GALNT10: variants seen among roughly 807,000 people sequenced by gnomAD.
GALNT10 encodes GalNAc transferase 10.
A neutral mutation model predicts 75.0 loss-of-function variants in GALNT10; 41 were observed. That is an observed-to-expected ratio of 0.55 (90% CI 0.43 to 0.71). GALNT10 has a LOEUF of 0.71. GALNT10 is among the 30% of genes least tolerant of loss of function. GALNT10 has a pLI of 0.00. For missense variants in GALNT10, 727 were observed against 818.5 expected (o/e 0.89, Z 1.36); for synonymous variants, 302 against 313.0 (o/e 0.96, Z 0.37).
chr5:154,196,415 G>A (rs966668886), intron 1 of GALNT10, among the ~76,000 whole-genome samples: 5 of 152,256 alleles, frequency 3.3e-5, no homozygotes, highest in South Asian at 4.2e-4. Flanking sequence ...TGAGCCATGT[G>A]GGCTGAAATG....
At chr5:154,241,854 C>T (rs1232872144) in intron 1 of GALNT10, among the ~76,000 whole-genome samples, 1 of 152,184 alleles carries the variant, frequency 6.6e-6, no homozygotes, top group Non-Finnish European at 1.5e-5. Flanking sequence ...CAGTAAAAAT[C>T]CTGAGAATTG....
At chr5:154,294,469 A>C (rs1754244898) in intron 1 of GALNT10, among the ~76,000 whole-genome samples, 1 of 152,254 alleles carries the variant, frequency 6.6e-6, no homozygotes, top group South Asian at 2.1e-4. Context: ...AAATGTGGAT[A>C]CTGGAAAATT....
At chr5:154,225,944 G>C (rs1753057237) in intron 1 of GALNT10, among the ~76,000 whole-genome samples, 1 of 151,992 alleles carries the variant, frequency 6.6e-6, no homozygotes, top group African/African-American at 2.4e-5. Context: ...GAGAACACTT[G>C]GACACAGGAA....
intron 3 of GALNT10, among the ~76,000 whole-genome samples, chr5:154,313,046 T>C (rs1033470197): frequency 6.6e-6 from 1 of 152,208 alleles, no homozygotes; most frequent in African/African-American, 2.4e-5. Flanking sequence ...CGGTGGCTCA[T>C]GCCTTTAATC....
chr5:154,305,237 AG>A (rs1754415165), intron 3 of GALNT10, among the ~76,000 whole-genome samples: 1 of 152,058 alleles, frequency 6.6e-6, no homozygotes, highest in Non-Finnish European at 1.5e-5. Flanking sequence ...TTGAGGCTGC[AG>A]TAAGCTATGA....
chr5:154,250,133 G>A (rs776694835), intron 1 of GALNT10, among the ~76,000 whole-genome samples: 3 of 152,174 alleles, frequency 2.0e-5, no homozygotes, highest in Non-Finnish European at 2.9e-5. Flanking sequence ...AGACTTGTGC[G>A]ATTAAGTGGT....
chr5:154,193,372 C>A (rs1411840095), intron 1 of GALNT10, among the ~76,000 whole-genome samples: 1 of 152,190 alleles, frequency 6.6e-6, no homozygotes, highest in Admixed American at 6.5e-5. Context: ...TGGGCTTGGC[C>A]CCCAGTCCGT....
chr5:154,293,610 TATA>T (rs144849980), intron 1 of GALNT10, among the ~76,000 whole-genome samples: 22,514 of 144,504 alleles, frequency 0.16, 2,048 homozygotes, highest in African/African-American at 0.17. Context: ...TATATATATA[TATA>T]TTTTTTTTTT....
In GALNT10 at chr5:154,380,297, G is replaced by A. The variant is rs554163168; in HGVS notation, c.755-151G>A. ...TGAGATGAGAGCCTCGGTCCCTCTT[G>A]CTTAAAGCTTGCAGTCTCCCTTCCC... On this transcript the variant is annotated intron_variant, in intron 5 of 11. Transcript: ENST00000297107. The A allele has an allele frequency of 6.3e-4, 415 of 653,566 alleles. 8 individuals carry two copies. The South Asian group carries it at 7.6e-3, about 12-fold the overall frequency. The allele number at this position is 653,566 out of a possible 1,614,324, so 40.5% of individuals were successfully genotyped here.
intron 1 of GALNT10, among the ~76,000 whole-genome samples, chr5:154,241,285 G>A (rs746947818): frequency 5.2e-4 from 79 of 152,256 alleles, no homozygotes; most frequent in Non-Finnish European, 9.3e-4. Context: ...CAGAGCTGTG[G>A]GATTAGCCAG....
At chr5:154,217,913 C>G in intron 1 of GALNT10, 2 of 664,656 alleles carry the variant, frequency 3.0e-6, no homozygotes, top group Non-Finnish European at 3.7e-6. Flanking sequence ...GTTGTACTTT[C>G]TATAAATAAA....
intron 1 of GALNT10, among the ~76,000 whole-genome samples, chr5:154,224,112 T>G (rs1036439337): frequency 1.3e-5 from 2 of 152,154 alleles, no homozygotes; most frequent in Non-Finnish European, 2.9e-5. Flanking sequence ...AAGTTTGAAT[T>G]TGATTCCAGA....
intron 1 of GALNT10, among the ~76,000 whole-genome samples, chr5:154,209,970 C>G: frequency 6.6e-6 from 1 of 152,102 alleles, no homozygotes; most frequent in Non-Finnish European, 1.5e-5. Context: ...AGCCTCATGT[C>G]TATTCAAGTC....
At chr5:154,213,586 G>A (rs1020691476) in intron 1 of GALNT10, among the ~76,000 whole-genome samples, 2 of 152,148 alleles carry the variant, frequency 1.3e-5, no homozygotes, top group Non-Finnish European at 2.9e-5. Context: ...CAGGATACAA[G>A]TCTATGCCGT....
chr5:154,212,503 T>C (rs985550462), intron 1 of GALNT10, among the ~76,000 whole-genome samples: 1 of 152,260 alleles, frequency 6.6e-6, no homozygotes, highest in South Asian at 2.1e-4. Context: ...AACTACCTTG[T>C]GGAGTTGCTG....
intron 1 of GALNT10, among the ~76,000 whole-genome samples, chr5:154,293,613 A>ATATATATATATATATATTTTTTTTTTTT: frequency 9.1e-6 from 1 of 109,358 alleles, no homozygotes; most frequent in African/African-American, 4.2e-5. Flanking sequence ...ATATATATAT[A>ATATATATATATATATATTTTTTTTTTTT]TTTTTTTTTT....
intron 1 of GALNT10, among the ~76,000 whole-genome samples, chr5:154,258,004 A>C (rs531525194): frequency 2.0e-4 from 31 of 152,202 alleles, no homozygotes; most frequent in Non-Finnish European, 3.8e-4. Context: ...CAGGTACAAA[A>C]ATCTACAGAA....
At chr5:154,334,048 T>G (rs1754905507) in intron 4 of GALNT10, among the ~76,000 whole-genome samples, 1 of 152,222 alleles carries the variant, frequency 6.6e-6, no homozygotes, top group Admixed American at 6.5e-5. Flanking sequence ...TTCTCTGGGC[T>G]GCATTAGCAG....
At chr5:154,219,838 TCACACACA>T (rs553301418) in intron 1 of GALNT10, among the ~76,000 whole-genome samples, 11 of 125,664 alleles carry the variant, frequency 8.8e-5, no homozygotes, top group South Asian at 8.1e-4. Context: ...TCTCTCTCTC[TCACACACA>T]CACACACACA....
Sources: allele counts gnomAD v4.1 joint callset (sites outside exome capture counted in the v4.1 genomes callset), GRCh38; gene constraint gnomAD v4.1.1; transcripts MANE v1.5; gene names NCBI Gene and HGNC (gene_info 2026-07-23, HGNC 2026-07-21).